SYN3: variants seen among roughly 807,000 people sequenced by gnomAD.
SYN3 encodes the protein synapsin-3.
A neutral mutation model predicts 65.8 loss-of-function variants in SYN3; 35 were observed. The ratio of observed to expected loss-of-function variants is 0.53; its 90% CI spans 0.41 to 0.70. The LOEUF (loss-of-function observed/expected upper bound fraction) is 0.70. SYN3 is among the 30% of genes least tolerant of loss of function. The pLI is 0.00. For missense variants in SYN3, 680 were observed against 749.0 expected (o/e 0.91, Z 1.08); for synonymous variants, 270 against 292.9 (o/e 0.92, Z 0.80).
intron 1 of SYN3, among the ~76,000 whole-genome samples, chr22:33,039,179 C>A (rs956006220): frequency 2.0e-5 from 3 of 152,142 alleles, no homozygotes; most frequent in Non-Finnish European, 2.9e-5. Context: ...GACATCAACA[C>A]TTAACAGGGT....
At chr22:32,521,657 A>G (rs1828587475) in intron 12 of SYN3, among the ~76,000 whole-genome samples, 1 of 152,000 alleles carries the variant, frequency 6.6e-6, no homozygotes, top group Non-Finnish European at 1.5e-5. Flanking sequence ...CATATTGGCC[A>G]GGCTGGTCTC....
chr22:32,930,679 A>T (rs2050602360), intron 4 of SYN3, among the ~76,000 whole-genome samples: 1 of 151,956 alleles, frequency 6.6e-6, no homozygotes, highest in Admixed American at 6.6e-5. Context: ...TCCTTCCCCA[A>T]ATCTGAATCC....
chr22:32,852,376 G>A (rs2048244413), intron 6 of SYN3, among the ~76,000 whole-genome samples: 1 of 152,158 alleles, frequency 6.6e-6, no homozygotes, highest in Non-Finnish European at 1.5e-5. Flanking sequence ...GGGTTTGTTG[G>A]TTTATCATCC....
intron 1 of SYN3, among the ~76,000 whole-genome samples, chr22:33,025,942 G>A (rs1341844293): frequency 3.9e-5 from 6 of 152,122 alleles, no homozygotes; most frequent in Admixed American, 6.5e-5. Context: ...CCAAAGAGAC[G>A]TCCCATGTTT....
intron 6 of SYN3, among the ~76,000 whole-genome samples, chr22:32,741,346 A>T (rs2061402352): frequency 7.3e-6 from 1 of 137,322 alleles, no homozygotes; most frequent in African/African-American, 2.7e-5. Context: ...TCTAGAGCCC[A>T]ATTTTTTTTT....
chr22:32,724,651 G>T (rs1028986333), intron 6 of SYN3, among the ~76,000 whole-genome samples: 2 of 152,168 alleles, frequency 1.3e-5, no homozygotes, highest in South Asian at 2.1e-4. Context: ...TGTATTAAAT[G>T]CCCAGTAAGT....
intron 6 of SYN3, among the ~76,000 whole-genome samples, chr22:32,710,098 C>CGTAT (rs2060937647): frequency 7.7e-6 from 1 of 129,534 alleles, no homozygotes; most frequent in African/African-American, 2.8e-5. Context: ...CACACACACA[C>CGTAT]ATGTGTGTGT....
At chr22:32,884,460 G>A (rs2049234464) in intron 4 of SYN3, among the ~76,000 whole-genome samples, 1 of 152,174 alleles carries the variant, frequency 6.6e-6, no homozygotes, top group South Asian at 2.1e-4. Context: ...TTGCTAAGAG[G>A]ATCACATAAG....
intron 7 of SYN3, among the ~76,000 whole-genome samples, chr22:32,574,646 GAACTCACC>G (rs560141254): frequency 7.8e-4 from 119 of 152,140 alleles, no homozygotes; most frequent in African/African-American, 2.7e-3. Flanking sequence ...TTACTTCCTA[GAACTCACC>G]AAGCTCAGTG....
chr22:33,006,600 ATAGC>A lies in SYN3; in HGVS notation c.59_62del (p.Gly20ValfsTer2). 23 of 1,612,532 alleles carry A rather than the reference ATAGC, an allele frequency of 1.4e-5. No homozygotes were observed. The highest frequency in any genetic ancestry group is 2.0e-5 in the Non-Finnish European group (23 of 1,179,214). ...TATCTGGGCGTTGCAGGTCCGTCAT[ATAGC>A]CATTAGGCAGGTTGGCCATGAAGCT... On this transcript the variant is annotated frameshift_variant, in exon 2 of 14. Coordinates refer to ENST00000358763, the MANE Select transcript of SYN3 (RefSeq NM_003490.4). LOFTEE classifies it high-confidence loss of function.
At chr22:32,559,383 T>C (rs2058551092) in intron 7 of SYN3, among the ~76,000 whole-genome samples, 1 of 152,296 alleles carries the variant, frequency 6.6e-6, no homozygotes, top group South Asian at 2.1e-4. Context: ...GAGTAGCTAG[T>C]CAGGCAGACA....
At chr22:32,849,528 G>A (rs2048160421) in intron 6 of SYN3, 1 of 1,613,066 alleles carries the variant, frequency 6.2e-7, no homozygotes, top group Admixed American at 1.7e-5. Flanking sequence ...CCATCAAGCA[G>A]ATGAAGGTAG....
At chr22:33,049,205 C>T (rs187474235) in intron 1 of SYN3, among the ~76,000 whole-genome samples, 124 of 152,272 alleles carry the variant, frequency 8.1e-4, no homozygotes, top group African/African-American at 2.0e-3. Flanking sequence ...AATTTACTCC[C>T]GCTTGATAGA....
intron 6 of SYN3, among the ~76,000 whole-genome samples, chr22:32,658,530 C>T (rs1186321790): frequency 2.0e-5 from 3 of 152,338 alleles, no homozygotes; most frequent in South Asian, 2.1e-4. Context: ...ACATCTCTCA[C>T]GCTCATTGAA....
chr22:32,547,866 C>T (rs2058357126), intron 7 of SYN3, among the ~76,000 whole-genome samples: 1 of 152,170 alleles, frequency 6.6e-6, no homozygotes, highest in Admixed American at 6.5e-5. Context: ...GCAGCTCAAT[C>T]CCTTTTAGGA....
intron 6 of SYN3, among the ~76,000 whole-genome samples, chr22:32,601,347 A>G (rs1246751074): frequency 1.3e-5 from 2 of 149,810 alleles, no homozygotes; most frequent in Non-Finnish European, 3.0e-5. Context: ...GTGCGATCTC[A>G]GCTCACTGCA....
chr22:32,849,363 C>T (rs776305452), intron 6 of SYN3: 12 of 1,127,604 alleles, frequency 1.1e-5, no homozygotes, highest in Non-Finnish European at 1.6e-5. Flanking sequence ...TTCCAGGCTC[C>T]ACAGAGGCTA....
chr22:32,676,515 T>C, intron 6 of SYN3, among the ~76,000 whole-genome samples: 1 of 145,854 alleles, frequency 6.9e-6, no homozygotes, highest in Non-Finnish European at 1.5e-5. Flanking sequence ...ATTTTCTTTC[T>C]TTTCTTTTCT....
chr22:32,943,077 A>G (rs1420335855), intron 3 of SYN3, among the ~76,000 whole-genome samples: 2 of 152,226 alleles, frequency 1.3e-5, no homozygotes, highest in African/African-American at 4.8e-5. Flanking sequence ...CAACATTCAA[A>G]TTCAGGAAAT....
Sources: allele counts gnomAD v4.1 joint callset (sites outside exome capture counted in the v4.1 genomes callset), GRCh38; gene constraint gnomAD v4.1.1; transcripts MANE v1.5; gene names NCBI Gene and HGNC (gene_info 2026-07-23, HGNC 2026-07-21).